Variants in C9orf85 observed in about 807,000 individuals in gnomAD.
C9orf85 encodes the protein uncharacterized protein C9orf85.
Under a neutral mutation model 14.9 loss-of-function variants are expected in C9orf85, and 16 were observed. The observed-to-expected ratio is 1.08, with a 90% CI of 0.73 to 1.63. The LOEUF (loss-of-function observed/expected upper bound fraction) is 1.63, where lower values mean the gene tolerates loss of function less well. C9orf85 is among the 40% of genes most tolerant of loss of function. C9orf85 has a pLI of 0.00. For missense variants in C9orf85, 172 were observed against 186.1 expected (o/e 0.92, Z 0.44); for synonymous variants, 45 against 56.8 (o/e 0.79, Z 0.93).
downstream of C9orf85, chr9:71,984,370 TCTC>T: frequency 6.6e-6 from 1 of 152,362 alleles, no homozygotes; most frequent in East Asian, 1.9e-4. Flanking sequence ...CTTTCTCTCT[TCTC>T]TGTTCCCATT....
At chr9:71,982,326 G>A (rs1472593088) in intron 3 of C9orf85, among the ~76,000 whole-genome samples, 1 of 151,768 alleles carries the variant, frequency 6.6e-6, no homozygotes, top group Admixed American at 6.6e-5. Flanking sequence ...GGGCTATTAT[G>A]AATGATACTG....
At chr9:71,971,106 G>A (rs1013924396) in intron 2 of C9orf85, among the ~76,000 whole-genome samples, 3 of 152,040 alleles carry the variant, frequency 2.0e-5, no homozygotes, top group Non-Finnish European at 4.4e-5. Context: ...CGTATAGTTA[G>A]GTCTTTAGTT....
At chr9:71,943,793 G>A (rs1346971022) in intron 1 of C9orf85, among the ~76,000 whole-genome samples, 2 of 151,426 alleles carry the variant, frequency 1.3e-5, no homozygotes, top group African/African-American at 2.4e-5. Flanking sequence ...TGCCTGCCTC[G>A]GCCTCCCAAA....
chr9:71,970,336 C>G (rs1822825462), intron 2 of C9orf85, among the ~76,000 whole-genome samples: 1 of 152,180 alleles, frequency 6.6e-6, no homozygotes, highest in South Asian at 2.1e-4. Context: ...TACTTGAAGA[C>G]AATGTATTGC....
intron 2 of C9orf85, among the ~76,000 whole-genome samples, chr9:71,964,322 G>A (rs147324087): frequency 0.012 from 1,833 of 152,196 alleles, 31 homozygotes; most frequent in African/African-American, 0.041. Flanking sequence ...GCCCCAGCCA[G>A]CAGTGGCAAC....
At chr9:71,934,707 A>G (rs1382743923) in intron 1 of C9orf85, among the ~76,000 whole-genome samples, 8 of 152,010 alleles carry the variant, frequency 5.3e-5, no homozygotes, top group Non-Finnish European at 1.5e-5. Flanking sequence ...TGTCTCTACT[A>G]AAAAACACAA....
chr9:71,955,940 G>A (rs1362450579), intron 2 of C9orf85, among the ~76,000 whole-genome samples: 1 of 152,090 alleles, frequency 6.6e-6, no homozygotes, highest in Non-Finnish European at 1.5e-5. Flanking sequence ...TAGTCCGTAT[G>A]TTTTAACCAC....
downstream of C9orf85, among the ~76,000 whole-genome samples, chr9:71,976,531 G>A (rs1417233128): frequency 2.6e-5 from 4 of 151,894 alleles, no homozygotes; most frequent in Admixed American, 1.3e-4. Context: ...GCGTGGTGGC[G>A]GGCGCCTGTA....
intron 2 of C9orf85, among the ~76,000 whole-genome samples, chr9:71,968,266 C>CT (rs112427399): frequency 1.1e-4 from 16 of 150,050 alleles, no homozygotes; most frequent in Non-Finnish European, 1.5e-4. Context: ...TTCTTGTTTG[C>CT]TTTTTTTTTG....
At chr9:71,930,795 C>A (rs1481411088) in intron 1 of C9orf85, among the ~76,000 whole-genome samples, 1 of 140,850 alleles carries the variant, frequency 7.1e-6, no homozygotes, top group Non-Finnish European at 1.5e-5. Context: ...CAGAGCAAGA[C>A]CCTGTCTCAA....
At chr9:71,930,932 A>C (rs181365192) in intron 1 of C9orf85, among the ~76,000 whole-genome samples, 1 of 152,226 alleles carries the variant, frequency 6.6e-6, no homozygotes, top group East Asian at 1.9e-4. Flanking sequence ...CTTTGAACTT[A>C]TAACTAAGGC....
At chr9:71,939,571 A>G (rs1292478208) in intron 1 of C9orf85, among the ~76,000 whole-genome samples, 1 of 152,200 alleles carries the variant, frequency 6.6e-6, no homozygotes, top group Non-Finnish European at 1.5e-5. Context: ...TCCTAATCAA[A>G]ATCATAGCAG....
At chr9:71,985,429 C>T (rs917084201), downstream of C9orf85, 1 of 152,238 alleles carries the variant, frequency 6.6e-6, no homozygotes, top group African/African-American at 2.4e-5. Context: ...GGACTAGCAG[C>T]ATCAATATTA....
At chr9:71,978,361 CA>C (rs1237986474), downstream of C9orf85, among the ~76,000 whole-genome samples, 6 of 152,160 alleles carry the variant, frequency 3.9e-5, no homozygotes, top group African/African-American at 1.4e-4. Context: ...TTGCCTGCCT[CA>C]GCCTCCCAAA....
intron 2 of C9orf85, among the ~76,000 whole-genome samples, chr9:71,957,621 G>T (rs1183503969): frequency 1.3e-5 from 2 of 152,208 alleles, no homozygotes; most frequent in East Asian, 1.9e-4. Context: ...GATGGCAGAG[G>T]TTATTAAGAT....
At chr9:71,939,745 A>G (rs1828284667) in intron 1 of C9orf85, among the ~76,000 whole-genome samples, 1 of 152,220 alleles carries the variant, frequency 6.6e-6, no homozygotes, top group Non-Finnish European at 1.5e-5. Flanking sequence ...ACAGGGTGGT[A>G]TTGGTGAAAG....
intron 1 of C9orf85, among the ~76,000 whole-genome samples, chr9:71,935,780 GAA>G (rs746941668): frequency 6.6e-6 from 1 of 152,170 alleles, no homozygotes; most frequent in Non-Finnish European, 1.5e-5. Context: ...TTTGGAAGAT[GAA>G]AAGAGTTCTG....
downstream of C9orf85, chr9:71,984,214 T>C (rs1046412971): frequency 3.3e-5 from 5 of 152,274 alleles, no homozygotes; most frequent in African/African-American, 1.2e-4. Flanking sequence ...TGGCTGCCTT[T>C]TATTCCATAG....
chr9:71,932,513 T>C (rs1828093197), intron 1 of C9orf85, among the ~76,000 whole-genome samples: 1 of 152,222 alleles, frequency 6.6e-6, no homozygotes, highest in African/African-American at 2.4e-5. Context: ...CAGTTGCTCT[T>C]CTACAGAGTC....
Sources: allele counts gnomAD v4.1 joint callset (sites outside exome capture counted in the v4.1 genomes callset), GRCh38; gene constraint gnomAD v4.1.1; transcripts MANE v1.5; gene names NCBI Gene and HGNC (gene_info 2026-07-23, HGNC 2026-07-21).